The following F8 variants were observed in gnomAD, a reference collection of about 807,000 sequenced individuals.
The protein encoded by F8 is antihemophilic factor.
Under a neutral mutation model 140.6 loss-of-function variants are expected in F8, and 12 were observed. The ratio of observed to expected loss-of-function variants is 0.09; its 90% CI spans 0.05 to 0.14. The LOEUF is 0.14. Among genes scored for constraint, F8 ranks in the 10% least tolerant of loss-of-function variants. The pLI is 1.00. For synonymous variants in F8, 585 were observed against 614.6 expected, an observed-to-expected ratio of 0.95 and a Z score of 0.71; for missense variants, 1,354 against 1,720.7, an observed-to-expected ratio of 0.79 and a Z score of 3.77.
At chrX:154,856,949 T>G (rs1039599296) in intron 25 of F8, among the ~76,000 whole-genome samples, 6 of 111,951 alleles carry the variant, frequency 5.4e-5, no homozygotes, top group African/African-American at 1.9e-4. Context: ...TTAGCTCAAG[T>G]CCATCTCAAA....
At chrX:154,913,452 C>A (rs1451687373) in intron 14 of F8, among the ~76,000 whole-genome samples, 1 of 111,699 alleles carries the variant, frequency 9.0e-6, no homozygotes, top group Non-Finnish European at 1.9e-5. Context: ...CTCATTCCAG[C>A]CTTAACCCAA....
intron 13 of F8, among the ~76,000 whole-genome samples, chrX:154,943,528 C>G (rs2073282863): frequency 9.0e-6 from 1 of 111,609 alleles, no homozygotes; most frequent in Non-Finnish European, 1.9e-5. Context: ...AGGATACAAA[C>G]AAATGGAAGA....
At chrX:154,942,503 T>C (rs1212208908) in intron 13 of F8, among the ~76,000 whole-genome samples, 13 of 110,060 alleles carry the variant, frequency 1.2e-4, no homozygotes, top group Admixed American at 1.1e-3. Context: ...AATAACAGGC[T>C]CTGAAATTGT....
chrX:154,952,635 C>T (rs782304664), intron 12 of F8, among the ~76,000 whole-genome samples: 58 of 109,527 alleles, frequency 5.3e-4, no homozygotes, highest in African/African-American at 1.8e-3. Context: ...CTCCGCCTTC[C>T]GGGTTCACGC....
chrX:154,913,676 G>T (rs2073079653), intron 14 of F8, among the ~76,000 whole-genome samples: 2 of 112,855 alleles, frequency 1.8e-5, no homozygotes, highest in Non-Finnish European at 3.8e-5. Context: ...AAACCTGAAA[G>T]TTCCAAAATG....
chrX:154,896,046 AG>A (rs1557275588), intron 22 of F8, 30 bp downstream of exon 22: 2 of 1,186,332 alleles, frequency 1.7e-6, no homozygotes, highest in African/African-American at 3.5e-5. Flanking sequence ...TAAAGTATTC[AG>A]GCATTCCCTT....
chrX:155,020,575 T>C (rs1040972266), intron 1 of F8, among the ~76,000 whole-genome samples: 7 of 112,056 alleles, frequency 6.2e-5, no homozygotes, highest in African/African-American at 1.6e-4. Context: ...AGACAAACAA[T>C]AGATCTTGGG....
At chrX:154,874,699 A>T (rs782597853) in intron 22 of F8, among the ~76,000 whole-genome samples, 37 of 112,372 alleles carry the variant, frequency 3.3e-4, no homozygotes, top group African/African-American at 1.1e-3. Flanking sequence ...AAGACAAAAG[A>T]TGACAAATGT....
intron 1 of F8, among the ~76,000 whole-genome samples, chrX:155,011,840 T>G (rs1178005899): frequency 8.9e-6 from 1 of 112,463 alleles, no homozygotes; most frequent in Non-Finnish European, 1.9e-5. Flanking sequence ...TCTATCATTC[T>G]GCAAAAATGG....
At chrX:155,010,223 T>C (rs1382848022) in intron 1 of F8, among the ~76,000 whole-genome samples, 2 of 112,499 alleles carry the variant, frequency 1.8e-5, no homozygotes, top group Non-Finnish European at 3.8e-5. Flanking sequence ...TTTTACTCCT[T>C]CCTAACTTTT....
intron 7 of F8, among the ~76,000 whole-genome samples, 178 bp downstream of exon 7, chrX:154,969,153 C>T (rs2087469056): frequency 9.0e-6 from 1 of 111,376 alleles, no homozygotes; most frequent in African/African-American, 3.3e-5. Flanking sequence ...CTTTTATAGT[C>T]AAGGTAAAAA....
At chrX:154,989,972 A>G (rs73641115) in intron 4 of F8, among the ~76,000 whole-genome samples, 17,415 of 111,794 alleles carry the variant, frequency 0.16, 1,127 homozygotes, top group African/African-American at 0.23. Context: ...GCAAAAATCA[A>G]TGTTGTGATT....
At chrX:154,945,195 C>G (rs781934714) in intron 13 of F8, among the ~76,000 whole-genome samples, 2 of 110,825 alleles carry the variant, frequency 1.8e-5, no homozygotes, top group African/African-American at 6.6e-5. Context: ...CTAATACCAG[C>G]TCTTCACAAA....
rs1232923525 is a variant in F8 at position 154,904,299 on chromosome X, G to A, written c.5812C>T (p.His1938Tyr). The change falls in exon 17 of 26, where the codon CAT (histidine) becomes TAT (tyrosine). Residue 1938 changes from histidine to tyrosine, a missense_variant. Coordinates refer to ENST00000360256, the MANE Select transcript of F8 (RefSeq NM_000132.4). ...DPTFKENYRF[H>Y]AINGYIMDTL... The stretch of plus-strand genomic sequence containing the variant: ...GTTTGGATGTGGAATATATTACCAT[G>A]GAAGCGATAATTCTCTTTAAAAGTG... 2 of 1,201,426 alleles carry A rather than the reference G, an allele frequency of 1.7e-6. No individual in the cohort carries two copies. Among genetic ancestry groups the A allele is most frequent in the Admixed American group, 2.2e-5 (1 of 46,052 alleles).
chrX:154,997,908 C>T (rs781828752), intron 2 of F8, among the ~76,000 whole-genome samples: 1 of 111,964 alleles, frequency 8.9e-6, no homozygotes, highest in Admixed American at 9.4e-5. Flanking sequence ...TTGGCTTGTG[C>T]AACTGGGTTG....
intron 15 of F8, among the ~76,000 whole-genome samples, chrX:154,905,973 G>C (rs2073035969): frequency 9.0e-6 from 1 of 111,345 alleles, no homozygotes; most frequent in African/African-American, 3.3e-5. Context: ...TAATTAATAA[G>C]AAAAACTCTT....
intron 14 of F8, among the ~76,000 whole-genome samples, chrX:154,911,213 T>C (rs1300903418): frequency 9.2e-6 from 1 of 108,215 alleles, no homozygotes; most frequent in Non-Finnish European, 1.9e-5. Flanking sequence ...TTCCTGTGCT[T>C]TGTCTCTGTG....
In F8 at chrX:155,017,865, C is replaced by T. The variant is rs1349898408; in HGVS notation, c.143+4545G>A. Among the ~76,000 whole-genome samples, 3 of 110,766 alleles carry T rather than the reference C, an allele frequency of 2.7e-5. No homozygotes were observed. In the East Asian group the frequency reaches 8.5e-4, roughly 31 times the overall value. ...GTCCAGTTAATGAATATGAGAGATA[C>T]TGCTTTTTTTTATTTTTTTATTTTT... On this transcript the variant is annotated intron_variant, in intron 1 of 25. Transcript: ENST00000360256.
rs782591918 is a variant in F8 at position 154,929,755 on chromosome X, T to C, written c.4035A>G (p.Glu1345=). The C allele has an allele frequency of 6.6e-6, 8 of 1,210,929 alleles. No individual in the cohort carries two copies. The South Asian group carries it at 1.4e-4, about 21-fold the overall frequency. ...CATCCACAATTATCCTTTTTTCAAG[T>C]TCTGTTTCTTCTAGTGGGAGTCTGA... ...KQFRLPLEET[E]LEKRIIVDDT... is the part of the protein sequence containing the mutation. The change falls in exon 14 of 26, where the codon GAA becomes GAG. Residue 1345 remains glutamate (E), a synonymous_variant. Coordinates refer to ENST00000360256, the MANE Select transcript of F8 (RefSeq NM_000132.4).
Sources: gnomAD v4.1 joint callset for allele counts (sites outside exome capture counted in the v4.1 genomes callset) on GRCh38, gnomAD v4.1.1 for gene constraint, MANE v1.5 for transcripts, NCBI Gene and HGNC (gene_info 2026-07-23, HGNC 2026-07-21) for gene names.